The following PTCHD4 variants were observed in gnomAD, a reference collection of about 807,000 sequenced individuals.
The protein encoded by PTCHD4 is patched domain containing 4.
PTCHD4 carries 33 observed loss-of-function variants against 58.1 expected under a neutral mutation model. The ratio of observed to expected loss-of-function variants is 0.57; its 90% CI spans 0.43 to 0.76. The LOEUF (loss-of-function observed/expected upper bound fraction) is 0.76. PTCHD4 is among the 30% of genes least tolerant of loss of function. The probability of loss-of-function intolerance (pLI) is 0.00; values close to 1 mark genes in which losing one functional copy is unlikely to be tolerated. For missense variants in PTCHD4, 1,058 were observed against 1,027.1 expected, an observed-to-expected ratio of 1.03 and a Z score of -0.41; for synonymous variants, 478 against 409.6, an observed-to-expected ratio of 1.17 and a Z score of -2.02.
chr6:47,981,304 CTT>C (rs1190887666), intron 4 of PTCHD4, among the ~76,000 whole-genome samples: 1 of 152,000 alleles, frequency 6.6e-6, no homozygotes, highest in Non-Finnish European at 1.5e-5. Flanking sequence ...TGTTTTCGCT[CTT>C]GTTTATTTTG....
chr6:48,106,373 C>A (rs983041657), intron 1 of PTCHD4, among the ~76,000 whole-genome samples: 15 of 152,092 alleles, frequency 9.9e-5, no homozygotes, highest in Non-Finnish European at 1.6e-4. Flanking sequence ...TCAATAGATG[C>A]AGAAAAGACC....
intron 4 of PTCHD4, among the ~76,000 whole-genome samples, chr6:47,951,086 G>T (rs1766629183): frequency 6.6e-6 from 1 of 152,198 alleles, no homozygotes; most frequent in Non-Finnish European, 1.5e-5. Context: ...TGTGATTTTT[G>T]CAAGGGGATG....
At chr6:47,956,585 C>G (rs1766870184) in intron 4 of PTCHD4, among the ~76,000 whole-genome samples, 1 of 152,024 alleles carries the variant, frequency 6.6e-6, no homozygotes, top group Non-Finnish European at 1.5e-5. Flanking sequence ...AGGCGCCCAC[C>G]ACCACGCCCG....
At chr6:47,882,123 A>C (rs73736536) in intron 4 of PTCHD4, among the ~76,000 whole-genome samples, 5,139 of 152,240 alleles carry the variant, frequency 0.034, 313 homozygotes, top group African/African-American at 0.12. Flanking sequence ...CAATGTTAGA[A>C]TAAGGGTTAA....
At chr6:48,027,056 C>T (rs146990552) in intron 3 of PTCHD4, among the ~76,000 whole-genome samples, 2 of 151,568 alleles carry the variant, frequency 1.3e-5, no homozygotes, top group African/African-American at 2.4e-5. Context: ...TGAATGAAAG[C>T]GATAAGATTT....
At chr6:48,015,136 A>C (rs906228456) in intron 3 of PTCHD4, among the ~76,000 whole-genome samples, 3 of 150,832 alleles carry the variant, frequency 2.0e-5, no homozygotes, top group Non-Finnish European at 4.4e-5. Context: ...TTAAAGTAAG[A>C]ATATGACAAG....
intron 3 of PTCHD4, among the ~76,000 whole-genome samples, chr6:48,051,541 C>CA (rs1764234809): frequency 6.6e-6 from 1 of 151,980 alleles, no homozygotes; most frequent in Admixed American, 6.6e-5. Flanking sequence ...AATCTTCTGG[C>CA]CAGGTCCTGT....
At chr6:48,098,264 G>GA (rs1302941097) in intron 1 of PTCHD4, among the ~76,000 whole-genome samples, 5 of 149,292 alleles carry the variant, frequency 3.3e-5, no homozygotes, top group Admixed American at 2.0e-4. Flanking sequence ...GAACTTCAAA[G>GA]AAAAAAAATG....
At chr6:48,000,143 C>G (rs1474422253) in intron 4 of PTCHD4, among the ~76,000 whole-genome samples, 1 of 152,114 alleles carries the variant, frequency 6.6e-6, no homozygotes, top group Non-Finnish European at 1.5e-5. Context: ...ATCCTGGATC[C>G]CTGAGTCTCT....
chr6:48,103,575 C>T (rs899083188), intron 1 of PTCHD4, among the ~76,000 whole-genome samples: 11 of 152,122 alleles, frequency 7.2e-5, no homozygotes, highest in African/African-American at 2.7e-4. Flanking sequence ...AGCTCCTCAC[C>T]AGGAATGGAA....
chr6:47,883,426 C>G (rs1308553350), intron 4 of PTCHD4, among the ~76,000 whole-genome samples: 1 of 152,014 alleles, frequency 6.6e-6, no homozygotes, highest in South Asian at 2.1e-4. Context: ...GATGTTACTT[C>G]TATTGTCGTA....
intron 3 of PTCHD4, among the ~76,000 whole-genome samples, chr6:48,024,714 T>C (rs1763182860): frequency 6.6e-6 from 1 of 152,128 alleles, no homozygotes. Flanking sequence ...ACAAGCTCCA[T>C]AGTGGAAAGA....
rs370943615 is a variant in PTCHD4, at chr6:47,957,749, C to T, written c.898+50885G>A. Among the ~76,000 whole-genome samples, 167 of 151,744 alleles carry T rather than the reference C, an allele frequency of 1.1e-3. 1 individual carries two copies. In the South Asian group the frequency reaches 0.033, roughly 30 times the overall value. On this transcript the variant is annotated intron_variant, in intron 4 of 4. Coordinates refer to ENST00000339488, the MANE Select transcript of PTCHD4 (RefSeq NM_001384253.1). Reference sequence around the variant, plus strand: ...TAGAGTAGCTGGGACTATAGGTGCCCACCACCATGCCCGGCTAATTTTTTT... The same window carrying T: ...TAGAGTAGCTGGGACTATAGGTGCCTACCACCATGCCCGGCTAATTTTTTT...
At chr6:47,939,569 G>C (rs2113921585) in intron 4 of PTCHD4, among the ~76,000 whole-genome samples, 1 of 152,210 alleles carries the variant, frequency 6.6e-6, no homozygotes, top group East Asian at 1.9e-4. Context: ...TCTGCTCTGT[G>C]TCAGTGATTC....
Position 47,873,576 on chromosome 6 carries a change from A to G in PTCHD4, c.*4727T>C, listed in dbSNP as rs1281367362. 6.6e-6 allele frequency among the ~76,000 whole-genome samples: 1 copy of G among 151,680 alleles called. No individual in the cohort carries two copies. The highest frequency in any genetic ancestry group is 1.5e-5 in the Non-Finnish European group (1 of 67,784). On this transcript the variant is annotated 3_prime_UTR_variant, in exon 5 of 5. Coordinates refer to ENST00000339488, the MANE Select transcript of PTCHD4 (RefSeq NM_001384253.1). ...CAGTGTGGCTTTGTTGCTTTCACTT[A>G]TGATTTTGCTGCTTTCATTTGGGTC...
At chr6:48,100,828 C>A (rs550642975) in intron 1 of PTCHD4, among the ~76,000 whole-genome samples, 2 of 152,214 alleles carry the variant, frequency 1.3e-5, no homozygotes, top group East Asian at 3.9e-4. Flanking sequence ...GTGCATCTAC[C>A]ACTTGGGATA....
At chr6:47,948,647 T>C (rs187198322) in intron 4 of PTCHD4, among the ~76,000 whole-genome samples, 492 of 152,344 alleles carry the variant, frequency 3.2e-3, no homozygotes, top group African/African-American at 0.011. Context: ...ATTTCTGTAC[T>C]ATTCTTCTAA....
intron 4 of PTCHD4, among the ~76,000 whole-genome samples, chr6:47,912,947 T>C (rs1013927796): frequency 2.6e-5 from 4 of 152,144 alleles, no homozygotes; most frequent in African/African-American, 9.7e-5. Flanking sequence ...CTTCCCCATG[T>C]GATTGCTCAA....
At chr6:47,923,889 G>A (rs559355886) in intron 4 of PTCHD4, among the ~76,000 whole-genome samples, 1 of 152,252 alleles carries the variant, frequency 6.6e-6, no homozygotes, top group East Asian at 1.9e-4. Context: ...CCAGCTGGGG[G>A]CAGTGATTCC....
Sources: allele counts gnomAD v4.1 joint callset (sites outside exome capture counted in the v4.1 genomes callset), GRCh38; gene constraint gnomAD v4.1.1; transcripts MANE v1.5; gene names NCBI Gene and HGNC (gene_info 2026-07-23, HGNC 2026-07-21).